Variants in EXT2 observed in about 807,000 individuals in gnomAD.
The protein encoded by EXT2 is exostosin glycosyltransferase 2.
Under a neutral mutation model 81.6 loss-of-function variants are expected in EXT2, and 53 were observed. That is an observed-to-expected ratio of 0.65 (90% CI 0.52 to 0.82). EXT2 has a LOEUF of 0.82. Among genes scored for constraint, EXT2 ranks in the 40% least tolerant of loss-of-function variants. The probability of loss-of-function intolerance (pLI) is 0.00; values close to 1 mark genes in which losing one functional copy is unlikely to be tolerated. For synonymous variants in EXT2, 320 were observed against 340.0 expected (o/e 0.94, Z 0.65); for missense variants, 774 against 910.2 (o/e 0.85, Z 1.93).
intron 8 of EXT2, among the ~76,000 whole-genome samples, chr11:44,176,701 G>A (rs760688213): frequency 3.9e-5 from 6 of 152,120 alleles, no homozygotes; most frequent in Admixed American, 3.9e-4. Context: ...AGCCCAACCT[G>A]CAGGGGAGTC....
In EXT2 at chr11:44,171,595, A is replaced by G. The variant is rs777589057; in HGVS notation, c.1174-16A>G. 6.2e-7 allele frequency: 1 copy of G among 1,614,102 alleles called. No individual in the cohort carries two copies. The highest frequency in any genetic ancestry group is 1.1e-5 in the South Asian group (1 of 91,076). ...GTCTCGCTTGCTCACTTAAAACAGCATTATTTTCTTTATAGGCCCGGTGGT... is the reference window on the plus strand; with the variant it reads ...GTCTCGCTTGCTCACTTAAAACAGCGTTATTTTCTTTATAGGCCCGGTGGT... On this transcript the variant is annotated splice_polypyrimidine_tract_variant and intron_variant, in intron 7 of 13. Transcript: ENST00000533608.
chr11:44,131,697 G>A (rs530391474), intron 7 of EXT2, among the ~76,000 whole-genome samples: 32 of 152,266 alleles, frequency 2.1e-4, no homozygotes, highest in Non-Finnish European at 1.8e-4. Context: ...TTGTGTAGAA[G>A]AAAATGCCCC....
In EXT2 at chr11:44,165,596, C is replaced by T. The variant is rs185294401; in HGVS notation, c.1174-6015C>T. Among the ~76,000 whole-genome samples the T allele has an allele frequency of 2.0e-4, 30 of 152,234 alleles. 1 individual carries two copies. The East Asian group carries it at 5.8e-3, about 29-fold the overall frequency. On this transcript the variant is annotated intron_variant, in intron 7 of 13. Coordinates refer to ENST00000533608, the MANE Select transcript of EXT2 (RefSeq NM_207122.2). ...GCTGGTGTCCTGGGTGGATTTCTTA[C>T]CAATTATTGTTTTCTATAAATCCCA...
rs189837855 is a variant in EXT2 at position 44,245,456 on chromosome 11, C to G, written c.*1169C>G. 2 of 185,228 alleles carry G rather than the reference C, an allele frequency of 1.1e-5. No individual in the cohort carries two copies. Among genetic ancestry groups the G allele is most frequent in the East Asian group, 1.7e-4 (2 of 11,512 alleles). 11.5% of individuals were successfully genotyped at this position (185,228 alleles called of 1,614,324 possible). A position where few individuals can be genotyped will look rare whatever the true frequency, so the allele number is the denominator to read the frequency against. On this transcript the variant is annotated 3_prime_UTR_variant, in exon 14 of 14. Coordinates refer to ENST00000533608, the MANE Select transcript of EXT2 (RefSeq NM_207122.2). ...CATGTGTGAATTATACCTCTTTAAG[C>G]CCAGTTGATGAACAAATCTACCCTG...
chr11:44,129,008 A>G (rs1954450596), intron 6 of EXT2, among the ~76,000 whole-genome samples: 2 of 152,222 alleles, frequency 1.3e-5, no homozygotes, highest in African/African-American at 4.8e-5. Flanking sequence ...TACAAATGTA[A>G]TTACAAACTC....
intron 10 of EXT2, among the ~76,000 whole-genome samples, chr11:44,214,404 A>G (rs1012772887): frequency 1.3e-5 from 2 of 152,202 alleles, no homozygotes; most frequent in Middle Eastern, 3.4e-3. Flanking sequence ...GTGAGCCACC[A>G]TGCCCGGCCG....
At chr11:44,133,162 C>T (rs1954518183) in intron 7 of EXT2, among the ~76,000 whole-genome samples, 1 of 152,228 alleles carries the variant, frequency 6.6e-6, no homozygotes, top group Admixed American at 6.5e-5. Context: ...GTTAATGTCT[C>T]ATCTCTCTAA....
At chr11:44,204,072 A>AATG (rs1372850417) in intron 9 of EXT2, among the ~76,000 whole-genome samples, 1 of 152,136 alleles carries the variant, frequency 6.6e-6, no homozygotes, top group Admixed American at 6.5e-5. Flanking sequence ...TACTTCTTTT[A>AATG]ATGTTGTGGT....
intron 8 of EXT2, among the ~76,000 whole-genome samples, chr11:44,184,465 T>C (rs905256308): frequency 1.6e-4 from 24 of 152,204 alleles, no homozygotes; most frequent in African/African-American, 5.1e-4. Flanking sequence ...TATAATTACA[T>C]TGAGGGCCGG....
intron 8 of EXT2, among the ~76,000 whole-genome samples, chr11:44,191,657 C>T (rs1955393125): frequency 6.6e-6 from 1 of 152,162 alleles, no homozygotes; most frequent in Non-Finnish European, 1.5e-5. Context: ...CCTTGGTCAG[C>T]CAGCAGGGGG....
intron 8 of EXT2, among the ~76,000 whole-genome samples, chr11:44,173,477 G>A (rs956565558): frequency 2.0e-5 from 3 of 148,882 alleles, no homozygotes; most frequent in Non-Finnish European, 4.5e-5. Flanking sequence ...GGCTGTATTA[G>A]TATTCAATTG....
intron 5 of EXT2, among the ~76,000 whole-genome samples, chr11:44,126,347 A>G (rs1954404059): frequency 1.3e-5 from 2 of 152,236 alleles, no homozygotes; most frequent in Admixed American, 1.3e-4. Context: ...AGAAACATGA[A>G]AAGAGATTTG....
chr11:44,231,968 T>C (rs1400175528), intron 10 of EXT2, among the ~76,000 whole-genome samples: 1 of 152,182 alleles, frequency 6.6e-6, no homozygotes, highest in East Asian at 1.9e-4. Context: ...TAATCACCAA[T>C]TTAATACAAA....
chr11:44,130,046 GC>G lies in EXT2; in HGVS notation c.1082del (p.Ala361AspfsTer75). 1 of 1,613,526 alleles carries G rather than the reference GC, an allele frequency of 6.2e-7. No individual in the cohort carries two copies. The highest frequency in any genetic ancestry group is 8.5e-7 in the Non-Finnish European group (1 of 1,179,446). On this transcript the variant is annotated frameshift_variant and splice_region_variant, in exon 7 of 14. Transcript: ENST00000533608. LOFTEE classifies it high-confidence loss of function. Reference protein sequence around the residue: ...PFSEVLDWKRASVVVPEEKMS... With the variant: ...PFSEVLDWKRXSVVVPEEKMS... ...AAACTGTTTTGCTGTTGTCTCCAGAGCATCTGTGGTTGTACCAGAAGAAAAG... is the reference window on the plus strand; with the variant it reads ...AAACTGTTTTGCTGTTGTCTCCAGAGATCTGTGGTTGTACCAGAAGAAAAG...
rs1432553547 is a variant in EXT2, at chr11:44,127,167, AT to A, written c.1079+214del. Among the ~76,000 whole-genome samples, 4 of 152,314 alleles carry A rather than the reference AT, an allele frequency of 2.6e-5. No individual in the cohort carries two copies. The East Asian group carries it at 7.7e-4, about 29-fold the overall frequency. On this transcript the variant is annotated intron_variant, in intron 6 of 13. Coordinates refer to ENST00000533608, the MANE Select transcript of EXT2 (RefSeq NM_207122.2). ...TGGCTGTTTTTGTAAGTCAAGTTTT[AT>A]TGAAACACAGCCGTGTCCCTTCCTT...
At position 44,244,884 on chromosome 11, in the gene EXT2, CT is replaced by C; in HGVS notation, c.*600del. On this transcript the variant is annotated 3_prime_UTR_variant, in exon 14 of 14. Coordinates refer to ENST00000533608, the MANE Select transcript of EXT2 (RefSeq NM_207122.2). ...CCTGTCAGTTCCATGAGCTATTCCT[CT>C]TTGGTTTGGCTTTTTGATATGATTA... is the stretch of plus-strand genomic sequence containing the variant. 1 of 233,806 alleles carries C rather than the reference CT, an allele frequency of 4.3e-6. No homozygotes were observed. The highest frequency in any genetic ancestry group is 6.1e-5 in the East Asian group (1 of 16,444). 14.5% of individuals were successfully genotyped at this position (233,806 alleles called of 1,614,324 possible).
rs375554352 is a variant in EXT2, at chr11:44,236,392, C to T, written c.2018+17C>T. Reference sequence around the variant, plus strand: ...GGTGGAGAGGTAAGTGAGCCTCCAACCAAAAGTGCGCCTTAGCCTCTGATC... The same window carrying T: ...GGTGGAGAGGTAAGTGAGCCTCCAATCAAAAGTGCGCCTTAGCCTCTGATC... On this transcript the variant is annotated intron_variant, in intron 13 of 13. Transcript: ENST00000533608. 2.2e-5 allele frequency: 35 copies of T among 1,612,050 alleles called. No homozygotes were observed. The highest frequency in any genetic ancestry group is 2.8e-5 in the Non-Finnish European group (33 of 1,178,816).
intron 1 of EXT2, among the ~76,000 whole-genome samples, chr11:44,107,107 G>A (rs1045538773): frequency 6.6e-6 from 1 of 151,822 alleles, no homozygotes; most frequent in African/African-American, 2.4e-5. Flanking sequence ...TTAAGTAAAT[G>A]TATATTGATA....
chr11:44,112,807 G>A (rs1468785574), intron 3 of EXT2, among the ~76,000 whole-genome samples: 2 of 152,210 alleles, frequency 1.3e-5, no homozygotes, highest in African/African-American at 4.8e-5. Context: ...AAAGGTTGAT[G>A]TGATATACAA....
Sources: gnomAD v4.1 joint callset for allele counts (sites outside exome capture counted in the v4.1 genomes callset) on GRCh38, gnomAD v4.1.1 for gene constraint, MANE v1.5 for transcripts, NCBI Gene and HGNC (gene_info 2026-07-23, HGNC 2026-07-21) for gene names.